MOB3B: variants seen among roughly 807,000 people sequenced by gnomAD.
MOB3B encodes the protein MOB kinase activator-like 2B.
Under a neutral mutation model 18.7 loss-of-function variants are expected in MOB3B, and 7 were observed. That is an observed-to-expected ratio of 0.37 (90% CI 0.21 to 0.70). The LOEUF (loss-of-function observed/expected upper bound fraction) is 0.70, where lower values mean the gene tolerates loss of function less well. Among genes scored for constraint, MOB3B ranks in the 30% least tolerant of loss-of-function variants. MOB3B has a pLI of 0.52. For synonymous variants in MOB3B, 111 were observed against 99.9 expected (o/e 1.11, Z -0.66); for missense variants, 253 against 281.3 (o/e 0.90, Z 0.72).
At chr9:27,509,898 T>C (rs974060948) in intron 1 of MOB3B, among the ~76,000 whole-genome samples, 2 of 152,172 alleles carry the variant, frequency 1.3e-5, no homozygotes, top group African/African-American at 4.8e-5. Context: ...CTAATTTTTG[T>C]ATTTTTAGTA....
At chr9:27,489,514 C>G (rs930529670) in intron 1 of MOB3B, among the ~76,000 whole-genome samples, 1 of 152,212 alleles carries the variant, frequency 6.6e-6, no homozygotes. Context: ...GCTAATTTCT[C>G]TCACTATGGA....
intron 3 of MOB3B, among the ~76,000 whole-genome samples, chr9:27,333,188 A>T (rs545509794): frequency 6.6e-6 from 1 of 152,286 alleles, no homozygotes; most frequent in East Asian, 1.9e-4. Context: ...GCAGGATAAA[A>T]ACTGTTTCCT....
intron 2 of MOB3B, among the ~76,000 whole-genome samples, chr9:27,379,350 GT>G (rs757109585): frequency 1.3e-5 from 2 of 152,190 alleles, no homozygotes; most frequent in African/African-American, 2.4e-5. Context: ...TATGACTTGA[GT>G]TTTTGGCATA....
chr9:27,383,596 A>C (rs1010062037), intron 2 of MOB3B, among the ~76,000 whole-genome samples: 2 of 152,160 alleles, frequency 1.3e-5, no homozygotes, highest in African/African-American at 4.8e-5. Context: ...CTGCTTTTTT[A>C]TATGTGGATA....
At chr9:27,521,756 T>C (rs1210027669) in intron 1 of MOB3B, among the ~76,000 whole-genome samples, 3 of 152,168 alleles carry the variant, frequency 2.0e-5, no homozygotes, top group African/African-American at 7.2e-5. Context: ...AAGAATAGTA[T>C]ATTCCCACAT....
chr9:27,419,443 G>T (rs1481931431), intron 2 of MOB3B, among the ~76,000 whole-genome samples: 1 of 152,104 alleles, frequency 6.6e-6, no homozygotes, highest in African/African-American at 2.4e-5. Context: ...GTGTGGTACT[G>T]GTATAAAAAT....
At position 27,506,680 on chromosome 9, in the gene MOB3B, G is replaced by A. The variant is rs377503641; in HGVS notation, c.-199+22875C>T. 3.3e-3 allele frequency among the ~76,000 whole-genome samples: 505 copies of A among 151,896 alleles called. 2 individuals are homozygous for A. The highest frequency in any genetic ancestry group is 5.2e-3 in the Admixed American group (79 of 15,270). ...CAAGTAGCTGGGATTACAGGCACCC[G>A]CCACCACGCCCGGCTAATTTTTTGT... On this transcript the variant is annotated intron_variant, in intron 1 of 3. Transcript: ENST00000262244.
In MOB3B at chr9:27,325,967, AGG is replaced by A. The variant is rs1382352083; in HGVS notation, c.*4618_*4619del. 1.5e-5 allele frequency: 2 copies of A among 131,374 alleles called. No individual in the cohort carries two copies. The highest frequency in any genetic ancestry group is 5.6e-5 in the African/African-American group (2 of 35,500). The allele number at this position is 131,374 out of a possible 1,614,324, so 8.1% of individuals were successfully genotyped here. On this transcript the variant is annotated 3_prime_UTR_variant, in exon 4 of 4. Coordinates refer to ENST00000262244, the MANE Select transcript of MOB3B (RefSeq NM_024761.5). ...AAGTCCCTTAATGTTTTGCCAATTA[AGG>A]TTTTTTTTTTTTTTTTTTTGAAACA... is the stretch of plus-strand genomic sequence containing the variant.
intron 3 of MOB3B, among the ~76,000 whole-genome samples, chr9:27,341,677 G>A (rs1114795): frequency 0.019 from 2,880 of 152,264 alleles, 84 homozygotes; most frequent in African/African-American, 0.065. Flanking sequence ...TCAGGAGCTG[G>A]TCACCACTTT....
At chr9:27,467,114 A>C (rs1486348644) in intron 1 of MOB3B, among the ~76,000 whole-genome samples, 1 of 152,206 alleles carries the variant, frequency 6.6e-6, no homozygotes, top group Admixed American at 6.5e-5. Flanking sequence ...CAAACATGCC[A>C]ATAACAAGTT....
chr9:27,359,324 A>C lies in MOB3B; in HGVS notation c.419-88T>G. 2.7e-6 allele frequency: 3 copies of C among 1,093,476 alleles called. 1 individual carries two copies. The highest frequency in any genetic ancestry group is 2.6e-5 in the South Asian group (2 of 78,162). The allele number at this position is 1,093,476 out of a possible 1,614,324, so 67.7% of individuals were successfully genotyped here. On this transcript the variant is annotated intron_variant, in intron 2 of 3. Coordinates refer to ENST00000262244, the MANE Select transcript of MOB3B (RefSeq NM_024761.5). ...TCTAATATGAAAACTGTCTGAGGGC[A>C]ATGCTACAGGGAGACTGGCACCCGT...
At chr9:27,480,682 G>A (rs568254322) in intron 1 of MOB3B, among the ~76,000 whole-genome samples, 145 of 151,778 alleles carry the variant, frequency 9.6e-4, no homozygotes, top group African/African-American at 3.4e-3. Context: ...CTGCCTGCCT[G>A]GGCCTTCCAA....
chr9:27,525,086 G>A (rs1587280235), intron 1 of MOB3B: 8 of 749,250 alleles, frequency 1.1e-5, no homozygotes, highest in South Asian at 3.9e-5. Context: ...TGGTAGCCTC[G>A]GAACATCAGG....
intron 1 of MOB3B, among the ~76,000 whole-genome samples, chr9:27,471,687 T>C (rs1819473524): frequency 6.6e-6 from 1 of 152,242 alleles, no homozygotes; most frequent in South Asian, 2.1e-4. Context: ...GCATTTGATA[T>C]AGCAGCAAGC....
chr9:27,354,680 C>T (rs1821159151), intron 3 of MOB3B, among the ~76,000 whole-genome samples: 1 of 152,186 alleles, frequency 6.6e-6, no homozygotes, highest in Non-Finnish European at 1.5e-5. Context: ...AATTCAAAAA[C>T]ATATTAAGCA....
intron 2 of MOB3B, among the ~76,000 whole-genome samples, chr9:27,408,079 C>T (rs986564712): frequency 1.3e-5 from 2 of 152,164 alleles, no homozygotes; most frequent in African/African-American, 4.8e-5. Context: ...CCCAGGGCCT[C>T]CTCCTAATCT....
chr9:27,380,042 C>T (rs1201777400), intron 2 of MOB3B, among the ~76,000 whole-genome samples: 1 of 152,114 alleles, frequency 6.6e-6, no homozygotes, highest in Non-Finnish European at 1.5e-5. Context: ...TCCTGATGTG[C>T]CAGTTCAGCA....
intron 2 of MOB3B, among the ~76,000 whole-genome samples, chr9:27,377,562 G>A (rs373896796): frequency 1.4e-4 from 21 of 152,308 alleles, no homozygotes; most frequent in African/African-American, 1.7e-4. Flanking sequence ...AACACAGACT[G>A]CTGAGCTGCA....
intron 2 of MOB3B, among the ~76,000 whole-genome samples, chr9:27,448,977 A>G (rs181009035): frequency 1.3e-5 from 2 of 152,318 alleles, no homozygotes; most frequent in East Asian, 1.9e-4. Context: ...TATCTCCCCA[A>G]TTCTCCTGCT....
Sources: allele counts gnomAD v4.1 joint callset (sites outside exome capture counted in the v4.1 genomes callset), GRCh38; gene constraint gnomAD v4.1.1; transcripts MANE v1.5; gene names NCBI Gene and HGNC (gene_info 2026-07-23, HGNC 2026-07-21).